THSD4: variants seen among roughly 807,000 people sequenced by gnomAD.
THSD4 encodes the protein thrombospondin type 1 domain containing 4.
THSD4 carries 69 observed loss-of-function variants against 119.0 expected under a neutral mutation model. The ratio of observed to expected loss-of-function variants is 0.58; its 90% CI spans 0.48 to 0.71. The LOEUF (loss-of-function observed/expected upper bound fraction) is 0.71, where lower values mean the gene tolerates loss of function less well. Among genes scored for constraint, THSD4 ranks in the 30% least tolerant of loss-of-function variants. The pLI is 0.00. For missense variants in THSD4, 1,393 were observed against 1,391.1 expected, an observed-to-expected ratio of 1.00 and a Z score of -0.02; for synonymous variants, 524 against 540.4, an observed-to-expected ratio of 0.97 and a Z score of 0.42.
At chr15:71,165,284 C>A in intron 3 of THSD4, 1 of 1,590,630 alleles carries the variant, frequency 6.3e-7, no homozygotes, top group Middle Eastern at 1.8e-4. Context: ...CCTCTCTGAG[C>A]ACTTCTTAGA....
intron 8 of THSD4, among the ~76,000 whole-genome samples, chr15:71,701,829 G>A (rs1478991808): frequency 6.6e-6 from 1 of 152,072 alleles, no homozygotes; most frequent in Non-Finnish European, 1.5e-5. Context: ...CGAGATTGGG[G>A]CCAAGCAGAA....
rs190600345 is a variant in THSD4 at position 71,660,763 on chromosome 15, C to T, written c.1357+29C>T. 332 of 1,606,152 alleles carry T rather than the reference C, an allele frequency of 2.1e-4. 1 individual carries two copies. In the African/African-American group the frequency reaches 4.1e-3, roughly 20 times the overall value. On this transcript the variant is annotated intron_variant, in intron 8 of 17. Coordinates refer to ENST00000261862, the MANE Select transcript of THSD4 (RefSeq NM_024817.3). ...AGCTTGGTCTTTTTCCAGAGAAAAC[C>T]GTCTGTCCCTGCCAGATGATGTATT...
At chr15:71,489,444 A>G (rs986804032) in intron 7 of THSD4, among the ~76,000 whole-genome samples, 2 of 152,170 alleles carry the variant, frequency 1.3e-5, no homozygotes. Flanking sequence ...GACAACCCCC[A>G]GGAGCTATCC....
rs139824526 is a variant in THSD4, at chr15:71,594,446, A to G, written c.1153-66084A>G. Among the ~76,000 whole-genome samples the G allele has an allele frequency of 1.2e-3, 178 of 152,090 alleles. 1 individual carries two copies. The East Asian group carries it at 0.026, about 22-fold the overall frequency. ...CTGTTCTTGAACTCCTGACCTCATGATCCACCCACCTCGGCCTCCCCTCTT... is the reference window on the plus strand; with the variant it reads ...CTGTTCTTGAACTCCTGACCTCATGGTCCACCCACCTCGGCCTCCCCTCTT... On this transcript the variant is annotated intron_variant, in intron 7 of 17. Transcript: ENST00000261862.
chr15:71,693,783 G>A (rs79042255), intron 8 of THSD4, among the ~76,000 whole-genome samples: 15,504 of 152,108 alleles, frequency 0.1, 821 homozygotes, highest in South Asian at 0.18. Flanking sequence ...AAGGGGTTTC[G>A]CCTTTCACTT....
intron 6 of THSD4, among the ~76,000 whole-genome samples, chr15:71,314,932 CTT>C (rs2045164945): frequency 6.6e-6 from 1 of 152,170 alleles, no homozygotes; most frequent in Admixed American, 6.5e-5. Context: ...CTTTCACTCT[CTT>C]ATCTAGTTTA....
intron 6 of THSD4, among the ~76,000 whole-genome samples, chr15:71,263,331 GTA>G (rs60448462): frequency 1.4e-5 from 2 of 138,842 alleles, no homozygotes; most frequent in Admixed American, 7.3e-5. Flanking sequence ...GTATTCCATG[GTA>G]TATATATATA....
intron 10 of THSD4, chr15:71,731,532 A>G (rs1595898131): frequency 3.3e-6 from 1 of 304,778 alleles, no homozygotes; most frequent in East Asian, 6.5e-5. Context: ...TAATCCTAGC[A>G]CTCTGGGAGG....
chr15:71,264,627 C>T (rs964544405), intron 6 of THSD4, among the ~76,000 whole-genome samples: 38 of 152,178 alleles, frequency 2.5e-4, no homozygotes, highest in Non-Finnish European at 7.4e-5. Context: ...TACTTGCAGT[C>T]ATCAACCTTG....
chr15:71,315,490 C>T (rs1596332050), intron 6 of THSD4, among the ~76,000 whole-genome samples: 2 of 152,362 alleles, frequency 1.3e-5, no homozygotes, highest in South Asian at 2.1e-4. Context: ...GTAGGGCACA[C>T]AGCGGGTGGT....
At chr15:71,292,633 T>C (rs939030070) in intron 6 of THSD4, among the ~76,000 whole-genome samples, 3 of 152,088 alleles carry the variant, frequency 2.0e-5, no homozygotes, top group East Asian at 3.9e-4. Context: ...GGATGCACTA[T>C]CTTAACATAC....
At chr15:71,436,515 C>G (rs541939184) in intron 7 of THSD4, among the ~76,000 whole-genome samples, 2 of 152,244 alleles carry the variant, frequency 1.3e-5, no homozygotes, top group African/African-American at 4.8e-5. Context: ...AATTTCTCCC[C>G]TTTGGCTGGC....
intron 7 of THSD4, among the ~76,000 whole-genome samples, chr15:71,490,357 G>A (rs985161276): frequency 6.6e-6 from 1 of 152,038 alleles, no homozygotes; most frequent in Non-Finnish European, 1.5e-5. Flanking sequence ...TCAGGAGATC[G>A]AGACCATCCT....
intron 6 of THSD4, among the ~76,000 whole-genome samples, chr15:71,400,376 G>A (rs1268390830): frequency 6.6e-6 from 1 of 152,278 alleles, no homozygotes; most frequent in African/African-American, 2.4e-5. Flanking sequence ...CCAGAGAAGA[G>A]CCTGAGCTCT....
intron 7 of THSD4, among the ~76,000 whole-genome samples, chr15:71,467,845 G>GGT (rs1555416960): frequency 6.3e-5 from 9 of 143,684 alleles, no homozygotes; most frequent in African/African-American, 1.3e-4. Context: ...AGATATGATG[G>GGT]TTTTTTTTTT....
At chr15:71,750,306 C>T (rs2053424685) in intron 14 of THSD4, among the ~76,000 whole-genome samples, 1 of 152,208 alleles carries the variant, frequency 6.6e-6, no homozygotes, top group Admixed American at 6.5e-5. Context: ...TCCAACTGGT[C>T]AGTGTCCATT....
intron 8 of THSD4, among the ~76,000 whole-genome samples, chr15:71,661,057 G>A (rs531863437): frequency 3.1e-4 from 47 of 152,340 alleles, no homozygotes; most frequent in South Asian, 4.1e-4. Context: ...TTTGCAAAGC[G>A]CGGAGACCAG....
rs12440397 is a variant in THSD4, at chr15:71,592,330, G to A, written c.1153-68200G>A. Among the ~76,000 whole-genome samples the A allele has an allele frequency of 0.012, 1,757 of 152,272 alleles. 95 individuals are homozygous for A. In the East Asian group the frequency reaches 0.17, roughly 15 times the overall value. On this transcript the variant is annotated intron_variant, in intron 7 of 17. Transcript: ENST00000261862. ...CCATGATGGGCAGGAGCTGCAGGAC[G>A]CAGTGGCAGGGAGAAGGCTGTTGGC...
intron 7 of THSD4, 155 bp from the exon 8 acceptor site, chr15:71,660,375 G>C: frequency 3.8e-6 from 3 of 783,976 alleles, no homozygotes; most frequent in Non-Finnish European, 4.1e-6. Flanking sequence ...TTATTTACTT[G>C]TCTGGTTTAC....
Sources: gnomAD v4.1 joint callset for allele counts (sites outside exome capture counted in the v4.1 genomes callset) on GRCh38, gnomAD v4.1.1 for gene constraint, MANE v1.5 for transcripts, NCBI Gene and HGNC (gene_info 2026-07-23, HGNC 2026-07-21) for gene names.